SYN3: variants seen among roughly 807,000 people sequenced by gnomAD.
The protein encoded by SYN3 is synapsin-3.
In SYN3, 35 loss-of-function variants were observed where a neutral mutation model predicts 65.8. The ratio of observed to expected loss-of-function variants is 0.53; its 90% CI spans 0.41 to 0.70. The LOEUF (loss-of-function observed/expected upper bound fraction) is 0.70. SYN3 is among the 30% of genes least tolerant of loss of function. The probability of loss-of-function intolerance (pLI) is 0.00; values close to 1 mark genes in which losing one functional copy is unlikely to be tolerated. For synonymous variants in SYN3, 270 were observed against 292.9 expected (o/e 0.92, Z 0.80); for missense variants, 680 against 749.0 (o/e 0.91, Z 1.08).
chr22:32,638,679 C>T (rs2059853653), intron 6 of SYN3, among the ~76,000 whole-genome samples: 1 of 151,950 alleles, frequency 6.6e-6, no homozygotes, highest in Non-Finnish European at 1.5e-5. Context: ...TTTGGTTGTT[C>T]AATTGTTTAA....
intron 7 of SYN3, among the ~76,000 whole-genome samples, chr22:32,593,548 A>G (rs2059156382): frequency 6.6e-6 from 1 of 152,084 alleles, no homozygotes; most frequent in African/African-American, 2.4e-5. Context: ...TTCTGTTTTG[A>G]GGCAACTAAA....
chr22:32,879,544 G>A (rs147431517), intron 4 of SYN3, among the ~76,000 whole-genome samples: 1,593 of 152,248 alleles, frequency 0.01, 17 homozygotes, highest in Middle Eastern at 0.031. Context: ...GAGCTCTCTC[G>A]GGGCCTCTTA....
chr22:32,871,949 T>G (rs1228171827), intron 4 of SYN3, among the ~76,000 whole-genome samples: 1 of 152,052 alleles, frequency 6.6e-6, no homozygotes, highest in Non-Finnish European at 1.5e-5. Context: ...TTTTCTATCT[T>G]TCTCGCCTCC....
chr22:32,564,962 ACCC>A (rs2058647034), intron 7 of SYN3, among the ~76,000 whole-genome samples: 1 of 145,374 alleles, frequency 6.9e-6, no homozygotes, highest in African/African-American at 2.6e-5. Flanking sequence ...CCTGGACTGC[ACCC>A]AAACAGTGCT....
At chr22:33,040,204 G>T (rs1037738103) in intron 1 of SYN3, among the ~76,000 whole-genome samples, 3 of 151,826 alleles carry the variant, frequency 2.0e-5, no homozygotes, top group African/African-American at 7.3e-5. Flanking sequence ...ATCCATGTTA[G>T]CCAGGATGGT....
At chr22:32,762,090 G>T (rs925453845) in intron 6 of SYN3, among the ~76,000 whole-genome samples, 1 of 152,200 alleles carries the variant, frequency 6.6e-6, no homozygotes, top group Non-Finnish European at 1.5e-5. Context: ...AAGACAGAAC[G>T]AGCCAGTAGT....
At chr22:32,968,673 C>T (rs1305521065) in intron 3 of SYN3, among the ~76,000 whole-genome samples, 3 of 152,326 alleles carry the variant, frequency 2.0e-5, no homozygotes, top group South Asian at 4.2e-4. Context: ...GCCCAATGTG[C>T]ACATCTGCCC....
chr22:32,550,864 G>GCATGCTT (rs1311957544), intron 7 of SYN3, among the ~76,000 whole-genome samples: 7 of 152,248 alleles, frequency 4.6e-5, no homozygotes, highest in Non-Finnish European at 7.4e-5. Context: ...GCTAGTAAAA[G>GCATGCTT]GAAAGCTACC....
chr22:32,641,481 G>A (rs146534407), intron 6 of SYN3, among the ~76,000 whole-genome samples: 9,345 of 151,844 alleles, frequency 0.062, 455 homozygotes, highest in South Asian at 0.21. Context: ...GGTGGCGGGC[G>A]CCTGTAGTCC....
chr22:32,581,961 G>A (rs547171899), intron 7 of SYN3, among the ~76,000 whole-genome samples: 18 of 150,982 alleles, frequency 1.2e-4, no homozygotes, highest in Non-Finnish European at 1.8e-4. Context: ...CACCAAACCC[G>A]GATAATTTTT....
chr22:32,867,288 T>C (rs1407781016), intron 5 of SYN3, among the ~76,000 whole-genome samples: 1 of 152,214 alleles, frequency 6.6e-6, no homozygotes, highest in Non-Finnish European at 1.5e-5. Flanking sequence ...ATAGGACATA[T>C]TGCATATTTG....
At chr22:32,522,211 G>T (rs372384086) in intron 12 of SYN3, among the ~76,000 whole-genome samples, 1 of 152,318 alleles carries the variant, frequency 6.6e-6, no homozygotes, top group Admixed American at 6.5e-5. Context: ...CTCAATGAAA[G>T]CGTTGTTTTT....
chr22:32,829,309 G>A (rs1229892233), intron 6 of SYN3, among the ~76,000 whole-genome samples: 2 of 152,224 alleles, frequency 1.3e-5, no homozygotes, highest in Non-Finnish European at 2.9e-5. Context: ...TACTGTTCCT[G>A]TTGGTGCTGA....
chr22:32,628,680 A>G (rs1266250594), intron 6 of SYN3, among the ~76,000 whole-genome samples: 2 of 152,046 alleles, frequency 1.3e-5, no homozygotes, highest in African/African-American at 4.8e-5. Flanking sequence ...CCTAGGAGGC[A>G]GAGGTTGCAG....
chr22:32,535,691 C>T (rs2058151568), intron 9 of SYN3, among the ~76,000 whole-genome samples: 1 of 152,188 alleles, frequency 6.6e-6, no homozygotes. Flanking sequence ...ACCTTGGGGT[C>T]CCCTGCTGGC....
chr22:32,888,583 AGAG>A (rs1350569694), intron 4 of SYN3, among the ~76,000 whole-genome samples: 2 of 152,176 alleles, frequency 1.3e-5, no homozygotes, highest in Non-Finnish European at 2.9e-5. Flanking sequence ...GATGTTTAAC[AGAG>A]GAGAAGGAGA....
intron 7 of SYN3, among the ~76,000 whole-genome samples, chr22:32,564,856 CCCGGA>C (rs1480611462): frequency 2.1e-5 from 3 of 139,924 alleles, no homozygotes; most frequent in African/African-American, 7.9e-5. Flanking sequence ...AAACAGTGCT[CCCGGA>C]CTGCACCCTA....
chr22:32,861,566 G>A (rs536184086), intron 6 of SYN3: 8 of 152,628 alleles, frequency 5.2e-5, no homozygotes, highest in Non-Finnish European at 2.9e-5. Context: ...CTGGCCATTC[G>A]CACTCCCTGG....
At chr22:32,631,523 AT>A (rs936317398) in intron 6 of SYN3, among the ~76,000 whole-genome samples, 4 of 152,158 alleles carry the variant, frequency 2.6e-5, no homozygotes, top group African/African-American at 9.7e-5. Context: ...GAGTCAAGTA[AT>A]TTCACAGATC....
Sources: gnomAD v4.1 joint callset for allele counts (sites outside exome capture counted in the v4.1 genomes callset) on GRCh38, gnomAD v4.1.1 for gene constraint, MANE v1.5 for transcripts, NCBI Gene and HGNC (gene_info 2026-07-23, HGNC 2026-07-21) for gene names.